KYNU: variants seen among roughly 807,000 people sequenced by gnomAD.
KYNU encodes the protein kynureninase.
Under a neutral mutation model 59.2 loss-of-function variants are expected in KYNU, and 54 were observed. The ratio of observed to expected loss-of-function variants is 0.91; its 90% CI spans 0.73 to 1.14. The LOEUF is 1.14. Ranked by LOEUF, KYNU falls within the 50% of genes most tolerant of loss-of-function variation. KYNU has a pLI of 0.00. For missense variants in KYNU, 567 were observed against 554.4 expected (o/e 1.02, Z -0.23); for synonymous variants, 177 against 192.0 (o/e 0.92, Z 0.65).
chr2:142,997,086 A>G, intron 10 of KYNU, among the ~76,000 whole-genome samples: 1 of 152,192 alleles, frequency 6.6e-6, no homozygotes, highest in East Asian at 1.9e-4. Context: ...ACTTGATAAC[A>G]AATTTGCTAT....
chr2:143,011,725 A>G (rs1686104559), intron 10 of KYNU, among the ~76,000 whole-genome samples: 1 of 93,650 alleles, frequency 1.1e-5, no homozygotes, highest in African/African-American at 4.7e-5. Flanking sequence ...ATGGAATACT[A>G]TGCAGCCATA....
chr2:142,926,550 G>A (rs1164996126), intron 3 of KYNU, among the ~76,000 whole-genome samples: 1 of 152,208 alleles, frequency 6.6e-6, no homozygotes, highest in Non-Finnish European at 1.5e-5. Context: ...GTTTTATGGG[G>A]TGATAGGGAA....
intron 8 of KYNU, among the ~76,000 whole-genome samples, chr2:142,980,794 T>C (rs1423295613): frequency 1.3e-5 from 2 of 152,120 alleles, no homozygotes; most frequent in African/African-American, 4.8e-5. Flanking sequence ...TAATTTTAAA[T>C]AAAATGTGTT....
intron 10 of KYNU, among the ~76,000 whole-genome samples, chr2:143,018,001 A>G (rs1490566623): frequency 1.3e-5 from 2 of 151,782 alleles, no homozygotes; most frequent in African/African-American, 2.4e-5. Context: ...CAAAATATTT[A>G]GTTCAATTGC....
chr2:142,899,698 C>T (rs1207016625), intron 2 of KYNU, among the ~76,000 whole-genome samples: 1 of 152,156 alleles, frequency 6.6e-6, no homozygotes, highest in African/African-American at 2.4e-5. Flanking sequence ...GCATCTGGGG[C>T]TCCATTTGAA....
chr2:142,974,256 G>A (rs1684824211), intron 8 of KYNU, among the ~76,000 whole-genome samples: 1 of 152,178 alleles, frequency 6.6e-6, no homozygotes, highest in Admixed American at 6.5e-5. Context: ...GGGCTGGAGG[G>A]GAAAGAGGAA....
In KYNU at chr2:142,960,714, T is replaced by C; in HGVS notation, c.673T>C (p.Phe225Leu). Residue 225 changes from phenylalanine to leucine, a missense_variant, in exon 8 of 14, where the codon TTT becomes CTT. By Grantham distance (22) the Phe-to-Leu change is conservative. Coordinates refer to ENST00000264170, the MANE Select transcript of KYNU (RefSeq NM_003937.3). ...AGTGATCCTGTTCAGTGGGGTGCAT[T>C]TTTACACTGGACAGCACTTTAATAT... is the stretch of plus-strand genomic sequence containing the variant. ...IAVILFSGVH[F>L]YTGQHFNIPA... 1 of 1,613,830 alleles carries C rather than the reference T, an allele frequency of 6.2e-7. No homozygotes were observed.
rs542327719 is a variant in KYNU, at chr2:143,045,056, G to C, written c.*2884G>C. ...AGTTTCAGTTTTCTGCATATGGCTA[G>C]CCAGTTTTCCCAACACTATTTATTA... On this transcript the variant is annotated 3_prime_UTR_variant, in exon 14 of 14. Transcript: ENST00000264170. The C allele has an allele frequency of 3.9e-5, 6 of 152,106 alleles. No homozygotes were observed. The highest frequency in any genetic ancestry group is 6.6e-5 in the Admixed American group (1 of 15,248). 9.4% of individuals were successfully genotyped at this position (152,106 alleles called of 1,614,324 possible). A position where few individuals can be genotyped will look rare whatever the true frequency, so the allele number is the denominator to read the frequency against.
At chr2:142,970,362 C>T (rs948621910) in intron 8 of KYNU, among the ~76,000 whole-genome samples, 2 of 152,044 alleles carry the variant, frequency 1.3e-5, no homozygotes, top group African/African-American at 2.4e-5. Flanking sequence ...AGTGTCTATG[C>T]AATATTATCA....
Position 143,054,609 on chromosome 2 carries a change from A to G in KYNU, c.*12437A>G, listed in dbSNP as rs1309638662. 6.6e-6 allele frequency: 1 copy of G among 152,208 alleles called. No homozygotes were observed. Among genetic ancestry groups the G allele is most frequent in the Admixed American group, 6.5e-5 (1 of 15,284 alleles). 9.4% of individuals were successfully genotyped at this position (152,208 alleles called of 1,614,324 possible). ...ATGTGATGAATATGAAGTAGACTGC[A>G]CCACTCTGCAGTACAGTCAGGAAAT... On this transcript the variant is annotated 3_prime_UTR_variant, in exon 14 of 14. Coordinates refer to ENST00000264170, the MANE Select transcript of KYNU (RefSeq NM_003937.3).
chr2:142,976,160 T>G (rs1364653397), intron 8 of KYNU, among the ~76,000 whole-genome samples: 1 of 151,984 alleles, frequency 6.6e-6, no homozygotes, highest in Non-Finnish European at 1.5e-5. Context: ...GAGGGAAGTT[T>G]TATGGGGTTG....
intron 10 of KYNU, among the ~76,000 whole-genome samples, chr2:143,019,781 C>T (rs959051746): frequency 1.5e-4 from 23 of 151,928 alleles, no homozygotes; most frequent in Admixed American, 1.1e-3. Flanking sequence ...GAATCCATCA[C>T]GTCTTTGGAT....
chr2:142,900,227 G>A (rs1455004241), intron 2 of KYNU, among the ~76,000 whole-genome samples: 1 of 152,202 alleles, frequency 6.6e-6, no homozygotes, highest in South Asian at 2.1e-4. Context: ...GCTGGATCAG[G>A]AGCACAGTGA....
At chr2:142,911,872 A>T (rs1411311943) in intron 2 of KYNU, among the ~76,000 whole-genome samples, 1 of 152,172 alleles carries the variant, frequency 6.6e-6, no homozygotes, top group Non-Finnish European at 1.5e-5. Flanking sequence ...GTGTTGAATC[A>T]ATTCTGCATC....
intron 4 of KYNU, among the ~76,000 whole-genome samples, chr2:142,952,009 A>G (rs1177337252): frequency 1.3e-5 from 2 of 152,164 alleles, no homozygotes; most frequent in African/African-American, 4.8e-5. Flanking sequence ...AGCCAGAAAA[A>G]TTTTAGGTGA....
intron 3 of KYNU, among the ~76,000 whole-genome samples, chr2:142,923,793 G>T (rs560987952): frequency 2.4e-4 from 36 of 152,260 alleles, no homozygotes; most frequent in African/African-American, 8.2e-4. Context: ...CTACAGTTTT[G>T]TCTCTACAGG....
chr2:142,885,354 G>A lies in KYNU; in HGVS notation c.-14G>A, dbSNP rs1366967357. On this transcript the variant is annotated 5_prime_UTR_variant, in exon 2 of 14. Coordinates refer to ENST00000264170, the MANE Select transcript of KYNU (RefSeq NM_003937.3). ...GTTTTATTATTCTCTTTCAGTTTTA[G>A]AGAACAACTTGTAATGGAGCCTTCA... 1.2e-6 allele frequency: 2 copies of A among 1,613,102 alleles called. No homozygotes were observed. The highest frequency in any genetic ancestry group is 1.7e-6 in the Non-Finnish European group (2 of 1,179,428).
In KYNU at chr2:143,014,649, G is replaced by C. The variant is rs141086585; in HGVS notation, c.903-14978G>C. On this transcript the variant is annotated intron_variant, in intron 10 of 13. Transcript: ENST00000264170. ...TGTTCTCCACTTAACAAATGATCCT[G>C]AAGCAATAAAATGTATTGATTCACT... 2.3e-3 allele frequency among the ~76,000 whole-genome samples: 346 copies of C among 152,284 alleles called. 1 individual carries two copies. The highest frequency in any genetic ancestry group is 6.8e-3 in the Middle Eastern group (2 of 294).
At chr2:143,005,231 C>A (rs960021303) in intron 10 of KYNU, among the ~76,000 whole-genome samples, 1 of 152,114 alleles carries the variant, frequency 6.6e-6, no homozygotes, top group Non-Finnish European at 1.5e-5. Context: ...AATCCTTCCC[C>A]CAGGCACTGT....
Sources: gnomAD v4.1 joint callset for allele counts (sites outside exome capture counted in the v4.1 genomes callset) on GRCh38, gnomAD v4.1.1 for gene constraint, MANE v1.5 for transcripts, NCBI Gene and HGNC (gene_info 2026-07-23, HGNC 2026-07-21) for gene names.